The following DAB1 variants were observed in gnomAD, a reference collection of about 807,000 sequenced individuals.
DAB1 encodes the protein disabled homolog 1.
In DAB1, 15 loss-of-function variants were observed where a neutral mutation model predicts 64.6. The ratio of observed to expected loss-of-function variants is 0.23; its 90% CI spans 0.16 to 0.36. DAB1 has a LOEUF of 0.36. Among genes scored for constraint, DAB1 ranks in the 10% least tolerant of loss-of-function variants. The pLI is 1.00. For missense variants in DAB1, 596 were observed against 706.7 expected, an observed-to-expected ratio of 0.84 and a Z score of 1.78; for synonymous variants, 235 against 251.9, an observed-to-expected ratio of 0.93 and a Z score of 0.64.
chr1:58,460,109 G>T (rs1455927930), intron 3 of DAB1, among the ~76,000 whole-genome samples: 8 of 152,180 alleles, frequency 5.3e-5, no homozygotes, highest in African/African-American at 1.9e-4. Context: ...AACATGAACT[G>T]GGCTAAGTGC....
intron 1 of DAB1, among the ~76,000 whole-genome samples, chr1:57,367,103 TAAAATA>T (rs1270362999): frequency 4.4e-4 from 45 of 101,782 alleles, no homozygotes; most frequent in African/African-American, 1.6e-3. Flanking sequence ...TAAAATAAAA[TAAAATA>T]AAATAAAATA....
At chr1:58,039,340 C>T (rs531941460) in intron 5 of DAB1, among the ~76,000 whole-genome samples, 1 of 152,294 alleles carries the variant, frequency 6.6e-6, no homozygotes, top group East Asian at 1.9e-4. Flanking sequence ...ACCAGCCAAA[C>T]TGCCTCACCT....
Position 58,518,236 on chromosome 1 carries a change from AGG to A in DAB1, n.107+9023_107+9024del, listed in dbSNP as rs1179513730. Among the ~76,000 whole-genome samples, 20 of 3,966 alleles carry A rather than the reference AGG, an allele frequency of 5.0e-3. 1 individual carries two copies. Among genetic ancestry groups the A allele is most frequent in the South Asian group, 0.019 (1 of 54 alleles). The allele number at this position is 3,966 out of a possible 152,430, so 2.6% of individuals were successfully genotyped here. On this transcript the variant is annotated intron_variant and non_coding_transcript_variant, in intron 2 of 20. Coordinates refer to the DAB1 transcript ENST00000485760. ...GGAGAGGGGAGAGGGGAGAGGGGAG[AGG>A]GGAGAGGGGAGAGGGGAGAGGGGAG...
rs1372908920 is a variant in DAB1 at position 57,167,752 on chromosome 1, C to T, written c.68-22323G>A. Among the ~76,000 whole-genome samples the T allele has an allele frequency of 2.0e-5, 3 of 152,198 alleles. No homozygotes were observed. The East Asian group carries it at 5.8e-4, about 29-fold the overall frequency. On this transcript the variant is annotated intron_variant, in intron 2 of 14. Coordinates refer to ENST00000371236, the MANE Select transcript of DAB1 (RefSeq NM_001365792.1). ...ACCTCCCCTGTGTAGCCTTACCCTG[C>T]CAAGTTAAAGTGTAGTCACCGTAAT...
In DAB1 at chr1:57,106,893, G is replaced by T. The variant is rs142028821; in HGVS notation, c.306+29650C>A. 2.4e-4 allele frequency among the ~76,000 whole-genome samples: 36 copies of T among 152,210 alleles called. No homozygotes were observed. In the East Asian group the frequency reaches 6.6e-3, roughly 28 times the overall value. ...ATAAAAAAATAAAAACAGATACAAA[G>T]TAGGAGATAGCACAGATGAAGCAAT... On this transcript the variant is annotated intron_variant, in intron 4 of 14. Transcript: ENST00000371236.
rs558502211 is a variant in DAB1 at position 58,330,735 on chromosome 1, T to A, written n.309+12617A>T. Among the ~76,000 whole-genome samples, 10 of 152,340 alleles carry A rather than the reference T, an allele frequency of 6.6e-5. No homozygotes were observed. The South Asian group carries it at 2.1e-3, about 32-fold the overall frequency. ...TAAAAATGGAACAACCAAGTCTGGATGACAGCACATATTTTTACAGCATAG... is the reference window on the plus strand; with the variant it reads ...TAAAAATGGAACAACCAAGTCTGGAAGACAGCACATATTTTTACAGCATAG... On this transcript the variant is annotated intron_variant and non_coding_transcript_variant, in intron 4 of 20. Coordinates refer to the DAB1 transcript ENST00000485760.
At chr1:58,355,720 C>T (rs1054564760) in intron 3 of DAB1, among the ~76,000 whole-genome samples, 1 of 152,214 alleles carries the variant, frequency 6.6e-6, no homozygotes, top group East Asian at 1.9e-4. Flanking sequence ...AGGTAGAAAT[C>T]GTATGGGATA....
intron 5 of DAB1, among the ~76,000 whole-genome samples, chr1:57,948,196 A>C (rs1016240351): frequency 6.6e-6 from 1 of 152,198 alleles, no homozygotes; most frequent in African/African-American, 2.4e-5. Flanking sequence ...GAAAACAATA[A>C]TGTGTTTGTT....
intron 7 of DAB1, among the ~76,000 whole-genome samples, chr1:57,544,082 T>A (rs1644831272): frequency 6.6e-6 from 1 of 152,066 alleles, no homozygotes; most frequent in South Asian, 2.1e-4. Context: ...CACTACACTC[T>A]GTCCTGGGCA....
chr1:57,541,207 C>A (rs759485821), intron 7 of DAB1, among the ~76,000 whole-genome samples: 1 of 151,594 alleles, frequency 6.6e-6, no homozygotes, highest in Non-Finnish European at 1.5e-5. Context: ...CGGCTCACTG[C>A]AAGCTCTGCC....
intron 14 of DAB1, among the ~76,000 whole-genome samples, chr1:57,005,046 G>A (rs1259877927): frequency 6.6e-6 from 1 of 152,126 alleles, no homozygotes; most frequent in East Asian, 1.9e-4. Flanking sequence ...GGCTGTTAGG[G>A]TAGAAAAGTC....
At chr1:57,528,825 AT>A (rs1399324640) in intron 7 of DAB1, among the ~76,000 whole-genome samples, 3 of 152,130 alleles carry the variant, frequency 2.0e-5, no homozygotes, top group Admixed American at 6.6e-5. Context: ...CAGTAAAAAT[AT>A]TTTTCAAAAA....
At chr1:57,405,587 C>T (rs1008367322) in intron 1 of DAB1, among the ~76,000 whole-genome samples, 1 of 152,200 alleles carries the variant, frequency 6.6e-6, no homozygotes, top group East Asian at 1.9e-4. Context: ...AGGGATTTCA[C>T]ACGAAAACAA....
chr1:57,907,920 T>TAC (rs1467371606), intron 5 of DAB1, among the ~76,000 whole-genome samples: 23 of 129,546 alleles, frequency 1.8e-4, no homozygotes, highest in Admixed American at 4.0e-4. Flanking sequence ...ATAATATATA[T>TAC]ATACACACAC....
intron 1 of DAB1, among the ~76,000 whole-genome samples, chr1:57,361,111 T>C (rs2100897477): frequency 6.6e-6 from 1 of 152,064 alleles, no homozygotes; most frequent in African/African-American, 2.4e-5. Flanking sequence ...CCTCCTAGCC[T>C]AAGAAAAACA....
intron 5 of DAB1, among the ~76,000 whole-genome samples, chr1:57,906,264 A>T (rs1212043393): frequency 6.6e-6 from 1 of 152,214 alleles, no homozygotes; most frequent in Non-Finnish European, 1.5e-5. Flanking sequence ...CCTATATAGC[A>T]TCAGGCACTG....
intron 5 of DAB1, among the ~76,000 whole-genome samples, chr1:57,952,320 TAGAA>T (rs1016960263): frequency 2.0e-5 from 3 of 152,092 alleles, no homozygotes; most frequent in Non-Finnish European, 2.9e-5. Flanking sequence ...GATGAAGCAA[TAGAA>T]AGAAGAAACT....
At chr1:57,091,275 C>T (rs2151566) in intron 4 of DAB1, among the ~76,000 whole-genome samples, 4 of 151,904 alleles carry the variant, frequency 2.6e-5, no homozygotes, top group African/African-American at 9.7e-5. Flanking sequence ...ATCCATCCAG[C>T]CTTTCCTGTT....
At chr1:57,488,799 G>A (rs899958199) in intron 7 of DAB1, among the ~76,000 whole-genome samples, 1 of 152,102 alleles carries the variant, frequency 6.6e-6, no homozygotes, top group Admixed American at 6.6e-5. Context: ...TTGACTTTGA[G>A]CAAATTTATA....
Sources: allele counts gnomAD v4.1 joint callset (sites outside exome capture counted in the v4.1 genomes callset), GRCh38; gene constraint gnomAD v4.1.1; transcripts MANE v1.5; gene names NCBI Gene and HGNC (gene_info 2026-07-23, HGNC 2026-07-21).